The following ARL15 variants were observed in gnomAD, a reference collection of about 807,000 sequenced individuals.
ARL15 encodes ADP-ribosylation factor-like protein 15.
ARL15 carries 19 observed loss-of-function variants against 25.2 expected under a neutral mutation model. That is an observed-to-expected ratio of 0.75 (90% CI 0.53 to 1.10). The LOEUF (loss-of-function observed/expected upper bound fraction) is 1.10. Among genes scored for constraint, ARL15 ranks in the 50% least tolerant of loss-of-function variants. The pLI is 0.00. For synonymous variants in ARL15, 94 were observed against 86.8 expected, an observed-to-expected ratio of 1.08 and a Z score of -0.46; for missense variants, 220 against 246.0, an observed-to-expected ratio of 0.89 and a Z score of 0.71.
chr5:54,002,726 C>T (rs1181994743), intron 4 of ARL15, among the ~76,000 whole-genome samples: 1 of 152,176 alleles, frequency 6.6e-6, no homozygotes, highest in East Asian at 1.9e-4. Context: ...ACACTGATCG[C>T]TAACAGATGC....
At chr5:54,041,544 GT>G (rs1307094261) in intron 4 of ARL15, among the ~76,000 whole-genome samples, 1 of 152,180 alleles carries the variant, frequency 6.6e-6, no homozygotes, top group African/African-American at 2.4e-5. Flanking sequence ...CAGGGTCTGA[GT>G]TAACTACAGG....
intron 1 of ARL15, among the ~76,000 whole-genome samples, chr5:54,249,625 G>A (rs1008951951): frequency 2.0e-5 from 3 of 150,042 alleles, no homozygotes; most frequent in African/African-American, 7.4e-5. Flanking sequence ...GAGTTCATGA[G>A]GTCATATCTG....
At chr5:53,925,873 C>T (rs768008455) in intron 4 of ARL15, among the ~76,000 whole-genome samples, 5 of 151,900 alleles carry the variant, frequency 3.3e-5, no homozygotes, top group Admixed American at 1.3e-4. Context: ...TTTTTCAAAT[C>T]GTATCTTACA....
At chr5:54,060,236 C>A (rs1751022718) in intron 4 of ARL15, among the ~76,000 whole-genome samples, 1 of 151,574 alleles carries the variant, frequency 6.6e-6, no homozygotes, top group South Asian at 2.1e-4. Flanking sequence ...AGTTCAAGAC[C>A]AGCCTGGCCA....
At chr5:54,217,696 G>A (rs1756250941) in intron 1 of ARL15, among the ~76,000 whole-genome samples, 1 of 152,052 alleles carries the variant, frequency 6.6e-6, no homozygotes, top group Admixed American at 6.6e-5. Context: ...ATGATTCACC[G>A]TAACGATCAG....
chr5:53,892,422 T>C (rs145050296), intron 4 of ARL15, among the ~76,000 whole-genome samples: 1,822 of 152,246 alleles, frequency 0.012, 31 homozygotes, highest in African/African-American at 0.042. Context: ...AAGGGCAAGC[T>C]GGAAGATGAT....
chr5:54,096,906 T>C (rs1484656394), intron 4 of ARL15, among the ~76,000 whole-genome samples: 1 of 152,172 alleles, frequency 6.6e-6, no homozygotes, highest in Admixed American at 6.5e-5. Flanking sequence ...TTGAACAAAA[T>C]TCTTTATCCT....
chr5:54,062,897 T>C (rs1253843877), intron 4 of ARL15, among the ~76,000 whole-genome samples: 1 of 152,184 alleles, frequency 6.6e-6, no homozygotes, highest in Non-Finnish European at 1.5e-5. Flanking sequence ...AGGATGTGAA[T>C]TTTAGCAGAT....
At chr5:53,910,673 A>ATATATATATATATATATAT (rs1491571617) in intron 4 of ARL15, among the ~76,000 whole-genome samples, 5 of 139,608 alleles carry the variant, frequency 3.6e-5, no homozygotes, top group African/African-American at 1.1e-4. Flanking sequence ...ATATATATAT[A>ATATATATATATATATATAT]AAGAAAACGT....
chr5:54,150,321 C>A (rs1754030958), intron 3 of ARL15, among the ~76,000 whole-genome samples: 1 of 152,038 alleles, frequency 6.6e-6, no homozygotes, highest in Non-Finnish European at 1.5e-5. Flanking sequence ...TTGAAGAAAT[C>A]AAAGGAGGGA....
At chr5:54,212,968 C>G (rs74398134) in intron 1 of ARL15, among the ~76,000 whole-genome samples, 2,720 of 152,294 alleles carry the variant, frequency 0.018, 35 homozygotes, top group Non-Finnish European at 0.025. Context: ...TTAGATGTCT[C>G]TAAGGTCCCT....
chr5:53,908,243 T>C lies in ARL15; in HGVS notation c.463-21530A>G, dbSNP rs190641357. The stretch of plus-strand genomic sequence containing the variant: ...AAACTTTATCATAGGCATGTATATA[T>C]AGGAAAAAAATATAGTATCTATAGC... On this transcript the variant is annotated intron_variant, in intron 4 of 4. Transcript: ENST00000504924. Among the ~76,000 whole-genome samples, 8 of 152,244 alleles carry C rather than the reference T, an allele frequency of 5.3e-5. No individual in the cohort carries two copies. The East Asian group carries it at 1.5e-3, about 29-fold the overall frequency.
chr5:54,236,611 G>A (rs542957019), intron 1 of ARL15, among the ~76,000 whole-genome samples: 10 of 152,264 alleles, frequency 6.6e-5, no homozygotes, highest in Admixed American at 5.9e-4. Flanking sequence ...GGAGCAGACT[G>A]GCCAAAAATA....
intron 4 of ARL15, among the ~76,000 whole-genome samples, chr5:53,953,280 T>A (rs920075878): frequency 6.6e-6 from 1 of 152,176 alleles, no homozygotes; most frequent in African/African-American, 2.4e-5. Flanking sequence ...AGATTCTACC[T>A]ACCTCTGAAG....
At chr5:53,902,179 A>G (rs1221726846) in intron 4 of ARL15, among the ~76,000 whole-genome samples, 5 of 152,198 alleles carry the variant, frequency 3.3e-5, no homozygotes, top group African/African-American at 7.2e-5. Context: ...CACACCTCAC[A>G]TTCAACTTTT....
chr5:54,163,309 T>G (rs1171701442), intron 2 of ARL15, among the ~76,000 whole-genome samples: 3 of 151,038 alleles, frequency 2.0e-5, no homozygotes, highest in Non-Finnish European at 4.4e-5. Flanking sequence ...GGTATATTTT[T>G]GCTTATAATT....
chr5:54,145,055 A>C (rs1753866879), intron 3 of ARL15, among the ~76,000 whole-genome samples: 1 of 152,020 alleles, frequency 6.6e-6, no homozygotes, highest in African/African-American at 2.4e-5. Flanking sequence ...TTTGTTATAG[A>C]TTTAATTTAT....
rs186748034 is a variant in ARL15, at chr5:54,249,910, A to G, written c.48+60522T>C. Among the ~76,000 whole-genome samples, 685 of 152,286 alleles carry G rather than the reference A, an allele frequency of 4.5e-3. 5 individuals carry two copies. The highest frequency in any genetic ancestry group is 8.1e-3 in the Non-Finnish European group (554 of 68,028). ...GTGGCTGTGCCTGGGACTGCATCTCAAGGGTCCTGTGGAGAATATATTCAA... is the reference window on the plus strand; with the variant it reads ...GTGGCTGTGCCTGGGACTGCATCTCGAGGGTCCTGTGGAGAATATATTCAA... On this transcript the variant is annotated intron_variant, in intron 1 of 4. Transcript: ENST00000504924.
chr5:54,111,700 C>T (rs1396830194), intron 4 of ARL15, among the ~76,000 whole-genome samples: 2 of 152,004 alleles, frequency 1.3e-5, no homozygotes, highest in Non-Finnish European at 2.9e-5. Context: ...GTATATATTA[C>T]ATACACACAT....
Sources: gnomAD v4.1 joint callset for allele counts (sites outside exome capture counted in the v4.1 genomes callset) on GRCh38, gnomAD v4.1.1 for gene constraint, MANE v1.5 for transcripts, NCBI Gene and HGNC (gene_info 2026-07-23, HGNC 2026-07-21) for gene names.